ZZZ3: variants seen among roughly 807,000 people sequenced by gnomAD.
ZZZ3 encodes ZZ-type zinc finger-containing protein 3.
A neutral mutation model predicts 95.2 loss-of-function variants in ZZZ3; 22 were observed. The ratio of observed to expected loss-of-function variants is 0.23; its 90% CI spans 0.17 to 0.33. The LOEUF (loss-of-function observed/expected upper bound fraction) is 0.33. Ranked by LOEUF, ZZZ3 falls within the 10% of genes least tolerant of loss-of-function variation. ZZZ3 has a pLI of 1.00. For missense variants in ZZZ3, 885 were observed against 1,066.5 expected (o/e 0.83, Z 2.37); for synonymous variants, 335 against 358.9 (o/e 0.93, Z 0.75).
chr1:77,625,475 T>G (rs902356033), intron 5 of ZZZ3, among the ~76,000 whole-genome samples: 1 of 152,094 alleles, frequency 6.6e-6, no homozygotes, highest in African/African-American at 2.4e-5. Context: ...AAAGTCTTAG[T>G]TACTAAAGGA....
chr1:77,562,563 G>A lies in ZZZ3; in HGVS notation c.*3077C>T, dbSNP rs1660503424. On this transcript the variant is annotated 3_prime_UTR_variant, in exon 15 of 15. Coordinates refer to ENST00000370801, the MANE Select transcript of ZZZ3 (RefSeq NM_015534.6). Reference sequence around the variant, plus strand: ...AAATGTTCATACCTAGTAAATTTTTGTGTTCTGTGAATCAATTTAAACAAA... The same window carrying A: ...AAATGTTCATACCTAGTAAATTTTTATGTTCTGTGAATCAATTTAAACAAA... The A allele has an allele frequency of 6.6e-6, 1 of 152,050 alleles. No homozygotes were observed. Among genetic ancestry groups the A allele is most frequent in the East Asian group, 1.9e-4 (1 of 5,178 alleles). The allele number at this position is 152,050 out of a possible 1,614,324, so 9.4% of individuals were successfully genotyped here. A position where few individuals can be genotyped will look rare whatever the true frequency, so the allele number is the denominator to read the frequency against.
chr1:77,639,537 TAAGC>T lies in ZZZ3; in HGVS notation c.-144_-141del. On this transcript the variant is annotated 5_prime_UTR_variant, in exon 4 of 15. It removes an upstream start codon present in the reference 5' UTR. Transcript: ENST00000370801. ...TGGAGCTATGATCTAGAATGGAGCT[TAAGC>T]ATCAGGGTTTCAGACTCTCTCAGCT... 1 of 1,313,592 alleles carries T rather than the reference TAAGC, an allele frequency of 7.6e-7. No homozygotes were observed. Among genetic ancestry groups the T allele is most frequent in the Non-Finnish European group, 1.0e-6 (1 of 985,986 alleles). The allele number at this position is 1,313,592 out of a possible 1,614,324, so 81.4% of individuals were successfully genotyped here.
intron 12 of ZZZ3, among the ~76,000 whole-genome samples, chr1:77,573,127 A>AT (rs1393597288): frequency 6.6e-6 from 1 of 151,166 alleles, no homozygotes; most frequent in East Asian, 2.0e-4. Context: ...TTTTTAATTT[A>AT]TTTTTTTGGA....
chr1:77,675,397 G>A (rs1478703405), intron 1 of ZZZ3, among the ~76,000 whole-genome samples: 3 of 151,940 alleles, frequency 2.0e-5, no homozygotes, highest in Non-Finnish European at 4.4e-5. Flanking sequence ...AATTAGCAAC[G>A]CTATTTCCTG....
intron 1 of ZZZ3, among the ~76,000 whole-genome samples, chr1:77,674,010 GAAAAA>G (rs11320447): frequency 7.1e-6 from 1 of 140,220 alleles, no homozygotes; most frequent in South Asian, 2.2e-4. Context: ...TTTTAAGTAG[GAAAAA>G]AAAAAAAAAG....
At position 77,640,641 on chromosome 1, in the gene ZZZ3, T is replaced by C. The variant is rs138592867; in HGVS notation, c.-206+743A>G. 5.8e-4 allele frequency among the ~76,000 whole-genome samples: 86 copies of C among 149,112 alleles called. 6 individuals are homozygous for C. Among genetic ancestry groups the C allele is most frequent in the African/African-American group, 2.1e-3 (84 of 40,758 alleles). On this transcript the variant is annotated intron_variant, in intron 3 of 14. Transcript: ENST00000370801. ...AAGAGAGAATGTACAATCTGCTAAA[T>C]GGGTTACTATGAGTGCCCATCTGAA...
At chr1:77,664,551 C>T (rs781158605) in intron 1 of ZZZ3, among the ~76,000 whole-genome samples, 4 of 152,138 alleles carry the variant, frequency 2.6e-5, no homozygotes, top group African/African-American at 4.8e-5. Flanking sequence ...AAATTTTACT[C>T]ATGTAATTTT....
intron 5 of ZZZ3, among the ~76,000 whole-genome samples, chr1:77,602,602 A>ATTTTTT (rs33915566): frequency 9.3e-5 from 11 of 117,948 alleles, no homozygotes; most frequent in East Asian, 2.5e-4. Context: ...ATTTTTACTG[A>ATTTTTT]TTTTTTTTTT....
intron 1 of ZZZ3, among the ~76,000 whole-genome samples, chr1:77,649,797 G>T (rs866300139): frequency 1.3e-5 from 2 of 151,400 alleles, no homozygotes; most frequent in Non-Finnish European, 2.9e-5. Context: ...CAGGAGAATC[G>T]CTTGAACCCA....
At chr1:77,669,145 A>G (rs71641309) in intron 1 of ZZZ3, among the ~76,000 whole-genome samples, 1 of 152,190 alleles carries the variant, frequency 6.6e-6, no homozygotes. Context: ...CTTGAGAGGC[A>G]TTCAGATCAA....
chr1:77,669,708 T>G (rs911401503), intron 1 of ZZZ3, among the ~76,000 whole-genome samples: 2 of 152,056 alleles, frequency 1.3e-5, no homozygotes, highest in African/African-American at 4.8e-5. Context: ...TGCACCCACT[T>G]CAGCCTCCCA....
rs756948355 is a variant in ZZZ3 at position 77,669,947 on chromosome 1, C to T, written c.-403+12638G>A. Among the ~76,000 whole-genome samples, 7 of 151,720 alleles carry T rather than the reference C, an allele frequency of 4.6e-5. 1 individual carries two copies. Among genetic ancestry groups the T allele is most frequent in the East Asian group, 1.9e-4 (1 of 5,160 alleles). ...TTGGTGTGACAGAAATGTTCTAAAA[C>T]GGGATTGAGGTAATAGTTGCATGGC... On this transcript the variant is annotated intron_variant, in intron 1 of 14. Transcript: ENST00000370801.
chr1:77,562,481 A>G lies in ZZZ3; in HGVS notation c.*3159T>C, dbSNP rs574081639. 1.3e-4 allele frequency: 20 copies of G among 152,366 alleles called. No individual in the cohort carries two copies. The highest frequency in any genetic ancestry group is 5.9e-4 in the Admixed American group (9 of 15,306). The allele number at this position is 152,366 out of a possible 1,614,324, so 9.4% of individuals were successfully genotyped here. A position where few individuals can be genotyped will look rare whatever the true frequency, so the allele number is the denominator to read the frequency against. On this transcript the variant is annotated 3_prime_UTR_variant, in exon 15 of 15. Transcript: ENST00000370801. The stretch of plus-strand genomic sequence containing the variant: ...TTTATGATTGAAAAAGACATTTCAC[A>G]AAACAATATTTATCTTTATTACATG...
intron 12 of ZZZ3, among the ~76,000 whole-genome samples, chr1:77,574,995 C>T (rs1661780527): frequency 6.6e-6 from 1 of 152,064 alleles, no homozygotes; most frequent in Non-Finnish European, 1.5e-5. Flanking sequence ...AATATCCTGG[C>T]CAACATAGTG....
intron 1 of ZZZ3, chr1:77,677,354 A>AAACAAAG (rs372247627): frequency 3.3e-5 from 5 of 152,080 alleles, no homozygotes; most frequent in African/African-American, 1.2e-4. Flanking sequence ...AACAAACAAA[A>AAACAAAG]AGATGTTTGA....
At chr1:77,633,847 C>T (rs1238151296) in intron 4 of ZZZ3, among the ~76,000 whole-genome samples, 1 of 152,172 alleles carries the variant, frequency 6.6e-6, no homozygotes, top group Non-Finnish European at 1.5e-5. Context: ...GAGATCTATC[C>T]TAAAGATGTG....
intron 1 of ZZZ3, among the ~76,000 whole-genome samples, chr1:77,665,693 T>C (rs1257597971): frequency 6.6e-6 from 1 of 152,228 alleles, no homozygotes; most frequent in East Asian, 1.9e-4. Context: ...AAAATTTTTA[T>C]ATTTACCAAT....
intron 5 of ZZZ3, among the ~76,000 whole-genome samples, chr1:77,607,837 T>C (rs1665400962): frequency 6.6e-6 from 1 of 151,256 alleles, no homozygotes; most frequent in African/African-American, 2.4e-5. Context: ...GGAGAATTGC[T>C]TGAATCTGGG....
At chr1:77,605,139 G>A (rs1030809409) in intron 5 of ZZZ3, among the ~76,000 whole-genome samples, 3 of 152,204 alleles carry the variant, frequency 2.0e-5, no homozygotes, top group African/African-American at 4.8e-5. Flanking sequence ...GCACTGAAGA[G>A]GGTAGGAAAG....
Sources: allele counts gnomAD v4.1 joint callset (sites outside exome capture counted in the v4.1 genomes callset), GRCh38; gene constraint gnomAD v4.1.1; transcripts MANE v1.5; gene names NCBI Gene and HGNC (gene_info 2026-07-23, HGNC 2026-07-21).